Variants in BLTP1 observed in about 807,000 individuals in gnomAD.
BLTP1 encodes bridge-like lipid transfer protein family member 1.
chr4:122,169,024 C>T, the BLTP1 span, among the ~76,000 whole-genome samples: 14 of 152,058 alleles, frequency 9.2e-5, no homozygotes, highest in Admixed American at 1.3e-4. Context: ...CATAGCTCAC[C>T]GTAACCTTGA....
chr4:122,233,081 A>C, the BLTP1 span, among the ~76,000 whole-genome samples: 1 of 152,230 alleles, frequency 6.6e-6, no homozygotes, highest in Non-Finnish European at 1.5e-5. Context: ...CTTGGAACTT[A>C]TTACAAATAT....
chr4:122,206,207 G>A, the BLTP1 span: 9 of 276,418 alleles, frequency 3.3e-5, no homozygotes, highest in Admixed American at 5.2e-4. Flanking sequence ...AACAGAGCCT[G>A]AGACACAGTA....
At chr4:122,194,900 G>C in the BLTP1 span, 1 of 154,164 alleles carries the variant, frequency 6.5e-6, no homozygotes, top group African/African-American at 2.4e-5. Context: ...AAAACACTCA[G>C]GTTTATTTAA....
chr4:122,231,123 C>T, the BLTP1 span, among the ~76,000 whole-genome samples: 5 of 152,078 alleles, frequency 3.3e-5, no homozygotes, highest in African/African-American at 1.2e-4. Flanking sequence ...AACATTTTTG[C>T]ACATAAAATA....
chr4:122,274,500 A>G, the BLTP1 span: 5 of 1,554,654 alleles, frequency 3.2e-6, no homozygotes, highest in Non-Finnish European at 4.3e-6. Context: ...AATTCTTTGG[A>G]TAAACATGCT....
the BLTP1 span, chr4:122,152,359 C>G: frequency 6.1e-6 from 6 of 985,912 alleles, no homozygotes; most frequent in South Asian, 9.4e-5. Flanking sequence ...GGTTGGGACC[C>G]CTCCCCTCCT....
chr4:122,228,065 C>A, the BLTP1 span, among the ~76,000 whole-genome samples: 1 of 152,010 alleles, frequency 6.6e-6, no homozygotes, highest in South Asian at 2.1e-4. Context: ...AGGCGCCCAC[C>A]ACCACGCCCG....
chr4:122,252,915 T>C, the BLTP1 span, among the ~76,000 whole-genome samples: 1 of 152,204 alleles, frequency 6.6e-6, no homozygotes, highest in Admixed American at 6.5e-5. Flanking sequence ...ACAGGGGTGC[T>C]TGTGTCACTG....
the BLTP1 span, chr4:122,200,227 A>T: frequency 1.0e-6 from 1 of 984,680 alleles, no homozygotes; most frequent in Admixed American, 6.1e-5. Flanking sequence ...TCTATTGCTG[A>T]TAAATAGTGC....
the BLTP1 span, chr4:122,153,104 T>C: frequency 1.1e-6 from 1 of 878,332 alleles, no homozygotes; most frequent in South Asian, 5.2e-5. Context: ...TTCCTATTGG[T>C]CAAAGGAAGG....
chr4:122,276,423 C>T, the BLTP1 span: 9 of 971,282 alleles, frequency 9.3e-6, no homozygotes, highest in East Asian at 9.1e-4. Context: ...AACATCTGTA[C>T]ATCTCAGCCT....
chr4:122,350,686 C>G, the BLTP1 span, among the ~76,000 whole-genome samples: 1 of 152,146 alleles, frequency 6.6e-6, no homozygotes, highest in Non-Finnish European at 1.5e-5. Flanking sequence ...AAAGGGTGAT[C>G]ATTTAGGCCT....
At chr4:122,349,321 T>C in the BLTP1 span, 4 of 1,609,636 alleles carry the variant, frequency 2.5e-6, no homozygotes, top group African/African-American at 4.0e-5. This position sits in a 1 kb window ranked among gnomAD's most constrained non-coding sequence, Gnocchi z 4.5. Flanking sequence ...GGTTGGTATG[T>C]TGAAATTTTA....
the BLTP1 span, among the ~76,000 whole-genome samples, chr4:122,357,599 A>C: frequency 2.0e-5 from 3 of 151,794 alleles, no homozygotes; most frequent in Non-Finnish European, 2.9e-5. Context: ...TGGCAGCCCT[A>C]ATATCTGGAA....
the BLTP1 span, chr4:122,152,517 G>A: frequency 3.0e-6 from 3 of 985,718 alleles, no homozygotes; most frequent in South Asian, 4.7e-5. Flanking sequence ...CCCTGCCGCC[G>A]CCCAAGGCCC....
the BLTP1 span, among the ~76,000 whole-genome samples, chr4:122,333,973 C>T: frequency 2.6e-5 from 4 of 151,994 alleles, no homozygotes; most frequent in Non-Finnish European, 4.4e-5. Flanking sequence ...ACTGCAGGTT[C>T]CCACTTCATT....
chr4:122,223,075 G>A, the BLTP1 span: 3 of 848,308 alleles, frequency 3.5e-6, no homozygotes, highest in South Asian at 1.1e-4. Context: ...CAGTAAAAAA[G>A]GTAAGGAAAT....
the BLTP1 span, chr4:122,355,791 T>C: frequency 1.9e-6 from 3 of 1,591,462 alleles, no homozygotes; most frequent in East Asian, 4.5e-5. Flanking sequence ...TCATTATGCA[T>C]GTAGAGCTAA....
the BLTP1 span, among the ~76,000 whole-genome samples, chr4:122,343,195 C>A: frequency 1.3e-5 from 2 of 152,192 alleles, no homozygotes; most frequent in African/African-American, 4.8e-5. Flanking sequence ...TAAGGATGAA[C>A]AGAGTATTCA....
Sources: allele counts gnomAD v4.1 joint callset (sites outside exome capture counted in the v4.1 genomes callset), GRCh38; gene constraint gnomAD v4.1.1; non-coding constraint Gnocchi (gnomAD v3.1); transcripts MANE v1.5; gene names NCBI Gene and HGNC (gene_info 2026-07-23, HGNC 2026-07-21).